Variants in SYNGR1 observed in about 807,000 individuals in gnomAD.
The protein encoded by SYNGR1 is synaptogyrin 1.
In SYNGR1, 14 loss-of-function variants were observed where a neutral mutation model predicts 26.1. That is an observed-to-expected ratio of 0.54 (90% CI 0.35 to 0.84). The LOEUF (loss-of-function observed/expected upper bound fraction) is 0.84, where lower values mean the gene tolerates loss of function less well. Among genes scored for constraint, SYNGR1 ranks in the 40% least tolerant of loss-of-function variants. SYNGR1 has a pLI of 0.01. For missense variants in SYNGR1, 319 were observed against 332.9 expected, an observed-to-expected ratio of 0.96 and a Z score of 0.33; for synonymous variants, 141 against 150.1, an observed-to-expected ratio of 0.94 and a Z score of 0.44.
chr22:39,350,207 G>A lies in SYNGR1; in HGVS notation c.99+98G>A. The A allele has an allele frequency of 1.2e-6, 1 of 821,912 alleles. No individual in the cohort carries two copies. Among genetic ancestry groups the A allele is most frequent in the Non-Finnish European group, 1.6e-6 (1 of 642,882 alleles). The allele number at this position is 821,912 out of a possible 1,614,324, so 50.9% of individuals were successfully genotyped here. ...CCGACCCCGACCCCGACCCCAACGG[G>A]CCCCCGGCGGCGGCGCGGCGGCGGG... On this transcript the variant is annotated intron_variant, in intron 1 of 3. Transcript: ENST00000328933. This position sits in a 1 kb window ranked among gnomAD's most constrained non-coding sequence, Gnocchi z 4.3.
chr22:39,364,273 T>C, intron 1 of SYNGR1: 2 of 1,614,008 alleles, frequency 1.2e-6, no homozygotes, highest in Non-Finnish European at 1.7e-6. Context: ...GTGGGTGAGC[T>C]GGAGGAGCAG....
intron 1 of SYNGR1, among the ~76,000 whole-genome samples, chr22:39,358,080 T>G (rs12627804): frequency 0.032 from 4,908 of 152,292 alleles, 218 homozygotes; most frequent in East Asian, 0.17. Context: ...GGTGGGGACG[T>G]GGAGAGTCTT....
rs757940416 is a variant in SYNGR1, at chr22:39,384,554, C to T, written c.*2640C>T. The T allele has an allele frequency of 1.8e-5, 7 of 398,746 alleles. No individual in the cohort carries two copies. Among genetic ancestry groups the T allele is most frequent in the Non-Finnish European group, 3.1e-5 (7 of 226,148 alleles). 24.7% of individuals were successfully genotyped at this position (398,746 alleles called of 1,614,324 possible). A position where few individuals can be genotyped will look rare whatever the true frequency, so the allele number is the denominator to read the frequency against. On this transcript the variant is annotated 3_prime_UTR_variant, in exon 4 of 4. Coordinates refer to ENST00000328933, the MANE Select transcript of SYNGR1 (RefSeq NM_004711.5). The stretch of plus-strand genomic sequence containing the variant: ...GAGATTTGGATGGGACCCAGGGCTC[C>T]TGACTCTGCCCTGGAAGGTTCATGG...
intron 2 of SYNGR1, chr22:39,375,702 G>T (rs1925248629): frequency 1.7e-6 from 1 of 589,064 alleles, no homozygotes. Flanking sequence ...GGACATGGGG[G>T]TTTGGCAGAG....
chr22:39,356,079 GTTT>G (rs1248786581), intron 1 of SYNGR1, among the ~76,000 whole-genome samples: 1 of 152,092 alleles, frequency 6.6e-6, no homozygotes, highest in Non-Finnish European at 1.5e-5. Flanking sequence ...TTGTTTGTTT[GTTT>G]TTGAGACAGG....
At chr22:39,377,542 TC>T in intron 3 of SYNGR1, 1 of 1,594,922 alleles carries the variant, frequency 6.3e-7, no homozygotes, top group Non-Finnish European at 8.5e-7. Flanking sequence ...CCAGCCTCCC[TC>T]CTGGCACCTC....
rs199743176 is a variant in SYNGR1, at chr22:39,376,046, C to T, written c.338-6C>T. The T allele has an allele frequency of 5.9e-5, 95 of 1,614,212 alleles. No individual in the cohort carries two copies. The African/African-American group carries it at 1.1e-3, about 18-fold the overall frequency. On this transcript the variant is annotated splice_polypyrimidine_tract_variant and splice_region_variant and intron_variant, in intron 2 of 3. Coordinates refer to ENST00000328933, the MANE Select transcript of SYNGR1 (RefSeq NM_004711.5). ...GCCTATTCTGCCCGGTCCTGGGACC[C>T]CCCAGCCTTCTGGGCTTTCCTCTGG...
Position 39,385,424 on chromosome 22 carries a change from C to T in SYNGR1, c.*3510C>T, listed in dbSNP as rs7423. On this transcript the variant is annotated 3_prime_UTR_variant, in exon 4 of 4. Transcript: ENST00000328933. Reference sequence around the variant, plus strand: ...TGAAGGGCGGTCCCCATCCTGGGCCCCCACTCTAGACCCCCCCACCACCTG... The same window carrying T: ...TGAAGGGCGGTCCCCATCCTGGGCCTCCACTCTAGACCCCCCCACCACCTG... The T allele has an allele frequency of 0.64, 98,123 of 152,598 alleles. 32,290 individuals carry two copies. The highest frequency in any genetic ancestry group is 0.92 in the East Asian group (4,872 of 5,302). 9.5% of individuals were successfully genotyped at this position (152,598 alleles called of 1,614,324 possible). A position where few individuals can be genotyped will look rare whatever the true frequency, so the allele number is the denominator to read the frequency against.
intron 1 of SYNGR1, among the ~76,000 whole-genome samples, chr22:39,359,991 C>T (rs927396924): frequency 1.3e-5 from 2 of 152,198 alleles, no homozygotes; most frequent in African/African-American, 4.8e-5. Context: ...CTCACCACCC[C>T]TTGGTCCCTC....
Position 39,350,162 on chromosome 22 carries a change from GC to G in SYNGR1, c.99+54del. The G allele has an allele frequency of 3.1e-6, 4 of 1,292,360 alleles. No individual in the cohort carries two copies. The highest frequency in any genetic ancestry group is 3.2e-5 in the South Asian group (2 of 62,178). The allele number at this position is 1,292,360 out of a possible 1,614,324, so 80.1% of individuals were successfully genotyped here. A position where few individuals can be genotyped will look rare whatever the true frequency, so the allele number is the denominator to read the frequency against. On this transcript the variant is annotated intron_variant, in intron 1 of 3. Transcript: ENST00000328933. This position sits in a 1 kb window ranked among gnomAD's most constrained non-coding sequence, Gnocchi z 4.3. The stretch of plus-strand genomic sequence containing the variant: ...CCAGGCCGGGGTGGTGGGGGTGTGA[GC>G]AAAGGCGGCGCGCCCGGACCGACCC...
At position 39,374,361 on chromosome 22, in the gene SYNGR1, C is replaced by A; in HGVS notation, c.145C>A (p.Leu49Ile). 6.2e-7 allele frequency: 1 copy of A among 1,614,082 alleles called. No individual in the cohort carries two copies. The highest frequency in any genetic ancestry group is 2.2e-5 in the East Asian group (1 of 44,882). ...VFGSIVNEGY[L>I]NSASEGEEFC... ...CGGCTCCATCGTGAACGAGGGCTAC[C>A]TCAACAGCGCCTCCGAGGGGGAGGA... The change falls in exon 2 of 4, where the codon CTC becomes ATC. Residue 49 changes from leucine (L) to isoleucine (I), a missense_variant. Physicochemically the swap from Leu to Ile is conservative, Grantham distance 5. Transcript: ENST00000328933.
chr22:39,355,103 G>A (rs1489416870), intron 1 of SYNGR1, among the ~76,000 whole-genome samples: 2 of 152,220 alleles, frequency 1.3e-5, no homozygotes, highest in African/African-American at 2.4e-5. Flanking sequence ...CTCCAATAAC[G>A]AGAACAGGAT....
In SYNGR1 at chr22:39,376,093, G is replaced by A. The variant is rs750133244; in HGVS notation, c.379G>A (p.Ala127Thr). 1 of 1,614,154 alleles carries A rather than the reference G, an allele frequency of 6.2e-7. No individual in the cohort carries two copies. The change falls in exon 3 of 4, where the codon GCC becomes ACC. Residue 127 changes from alanine to threonine, a missense_variant. By Grantham distance (58) the Ala-to-Thr change is moderately conservative. Coordinates refer to ENST00000328933, the MANE Select transcript of SYNGR1 (RefSeq NM_004711.5). ...FLWFVGFCYL[A>T]NQWQVSKPKD... The stretch of plus-strand genomic sequence containing the variant: ...CTGGTTCGTGGGATTCTGCTACCTG[G>A]CCAACCAGTGGCAGGTCTCCAAGCC...
intron 1 of SYNGR1, among the ~76,000 whole-genome samples, chr22:39,357,574 C>CT: frequency 6.6e-6 from 1 of 151,912 alleles, no homozygotes; most frequent in East Asian, 2.0e-4. Flanking sequence ...GCGTGCGGCG[C>CT]TTGCGGGCCA....
intron 1 of SYNGR1, among the ~76,000 whole-genome samples, chr22:39,363,665 G>A (rs571587422): frequency 3.9e-5 from 6 of 152,070 alleles, no homozygotes; most frequent in Non-Finnish European, 8.8e-5. Flanking sequence ...GGATTGTTGA[G>A]GTTTGGAGTG....
rs569917831 is a variant in SYNGR1 at position 39,360,821 on chromosome 22, G to A, written c.99+10712G>A. Among the ~76,000 whole-genome samples the A allele has an allele frequency of 3.9e-5, 6 of 152,352 alleles. No individual in the cohort carries two copies. The East Asian group carries it at 9.6e-4, about 24-fold the overall frequency. On this transcript the variant is annotated intron_variant, in intron 1 of 3. Coordinates refer to ENST00000328933, the MANE Select transcript of SYNGR1 (RefSeq NM_004711.5). The stretch of plus-strand genomic sequence containing the variant: ...AGCCAGCCAGGCAGAGAAGGGGGAA[G>A]GAGGAACAGCGAGGGCAAATGCTGA...
chr22:39,363,484 G>T (rs1414218541), intron 1 of SYNGR1, among the ~76,000 whole-genome samples: 1 of 152,006 alleles, frequency 6.6e-6, no homozygotes. Context: ...ACTGGTTGGA[G>T]GGGTCGAGTA....
At chr22:39,358,430 T>G (rs1661506429) in intron 1 of SYNGR1, among the ~76,000 whole-genome samples, 1 of 152,186 alleles carries the variant, frequency 6.6e-6, no homozygotes, top group Non-Finnish European at 1.5e-5. Context: ...GTCTGCTCGT[T>G]GCGATAAATT....
At chr22:39,353,402 C>T (rs529980523) in intron 1 of SYNGR1, among the ~76,000 whole-genome samples, 2 of 152,330 alleles carry the variant, frequency 1.3e-5, no homozygotes, top group South Asian at 4.1e-4. Flanking sequence ...TGGTCTCAGA[C>T]TCCTGGACTC....
Sources: gnomAD v4.1 joint callset for allele counts (sites outside exome capture counted in the v4.1 genomes callset) on GRCh38, gnomAD v4.1.1 for gene constraint, Gnocchi (gnomAD v3.1) non-coding constraint, MANE v1.5 for transcripts, NCBI Gene and HGNC (gene_info 2026-07-23, HGNC 2026-07-21) for gene names.